BAZ1A: variants seen among roughly 807,000 people sequenced by gnomAD.
BAZ1A encodes bromodomain adjacent to zinc finger domain 1A.
Under a neutral mutation model 185.2 loss-of-function variants are expected in BAZ1A, and 50 were observed. The observed-to-expected ratio is 0.27, with a 90% confidence interval of 0.22 to 0.34. The LOEUF is 0.34. Ranked by LOEUF, BAZ1A falls within the 10% of genes least tolerant of loss-of-function variation. The probability of loss-of-function intolerance (pLI) is 1.00; values close to 1 mark genes in which losing one functional copy is unlikely to be tolerated. For missense variants in BAZ1A, 1,356 were observed against 1,839.9 expected, an observed-to-expected ratio of 0.74 and a Z score of 4.81; for synonymous variants, 571 against 615.6, an observed-to-expected ratio of 0.93 and a Z score of 1.07.
intron 3 of BAZ1A, among the ~76,000 whole-genome samples, chr14:34,853,652 T>G (rs1026302649): frequency 6.6e-6 from 1 of 152,136 alleles, no homozygotes; most frequent in African/African-American, 2.4e-5. Context: ...CCAGGCGTGG[T>G]GGCACACGCC....
At chr14:34,768,811 A>ATT in intron 21 of BAZ1A, 1 of 387,378 alleles carries the variant, frequency 2.6e-6, no homozygotes, top group Non-Finnish European at 5.0e-6. Context: ...TTAGTTGAAG[A>ATT]TTTTTTTTTC....
At chr14:34,805,288 ATCT>A (rs1386918635) in intron 6 of BAZ1A, among the ~76,000 whole-genome samples, 1 of 152,220 alleles carries the variant, frequency 6.6e-6, no homozygotes, top group Non-Finnish European at 1.5e-5. Context: ...TCCATTAATA[ATCT>A]TCTATTACAC....
intron 23 of BAZ1A, among the ~76,000 whole-genome samples, chr14:34,762,545 C>T (rs1236492793): frequency 6.6e-6 from 1 of 151,572 alleles, no homozygotes; most frequent in African/African-American, 2.4e-5. Context: ...AGTACGATCA[C>T]GGCTCACTGC....
intron 3 of BAZ1A, among the ~76,000 whole-genome samples, chr14:34,827,915 C>A (rs1002869108): frequency 1.3e-5 from 2 of 152,014 alleles, no homozygotes; most frequent in Non-Finnish European, 2.9e-5. Flanking sequence ...CTAACTCTAT[C>A]ACCCCTATTC....
intron 4 of BAZ1A, among the ~76,000 whole-genome samples, chr14:34,813,027 T>C (rs554213350): frequency 5.1e-4 from 78 of 152,238 alleles, no homozygotes; most frequent in Non-Finnish European, 8.7e-4. Context: ...CATAACAACC[T>C]GTGGTATGAA....
intron 3 of BAZ1A, among the ~76,000 whole-genome samples, chr14:34,849,747 G>A (rs1354766736): frequency 6.6e-6 from 1 of 152,150 alleles, no homozygotes; most frequent in East Asian, 1.9e-4. Flanking sequence ...CAACCCGCCA[G>A]TAGAGTTTTT....
At chr14:34,827,859 CACA>C (rs1472523023) in intron 3 of BAZ1A, among the ~76,000 whole-genome samples, 1 of 152,048 alleles carries the variant, frequency 6.6e-6, no homozygotes, top group Non-Finnish European at 1.5e-5. Context: ...AAGTTATTCT[CACA>C]ACTTTTGTTG....
intron 9 of BAZ1A, among the ~76,000 whole-genome samples, chr14:34,796,165 TACACACAC>T (rs61285890): frequency 8.2e-5 from 12 of 146,494 alleles, no homozygotes; most frequent in African/African-American, 2.3e-4. Context: ...TACATATACA[TACACACAC>T]ACACACACAC....
intron 3 of BAZ1A, among the ~76,000 whole-genome samples, chr14:34,843,442 A>G (rs1181714093): frequency 1.3e-5 from 2 of 152,138 alleles, no homozygotes; most frequent in African/African-American, 2.4e-5. Flanking sequence ...CGCCTGTAGA[A>G]TAATAGGTCA....
Position 34,800,288 on chromosome 14 carries a change from A to G in BAZ1A, c.1064T>C (p.Ile355Thr), listed in dbSNP as rs971140248. ...TTTCTTTAGTCTCTCTTCTTCAACA[A>G]TTTTTTTCAATTCTTCCCTCTTTTT... is the stretch of plus-strand genomic sequence containing the variant. ...KEKKREELKKIVEEERLKKKE... is the reference protein window; with the variant it reads ...KEKKREELKKTVEEERLKKKE... Residue 355 changes from isoleucine (I) to threonine (T), a missense_variant, in exon 9 of 27, where the codon ATT becomes ACT. Ile to Thr is a moderately conservative substitution (Grantham distance 89). Coordinates refer to ENST00000360310, the MANE Select transcript of BAZ1A (RefSeq NM_013448.3). 6.1e-6 allele frequency: 9 copies of G among 1,463,930 alleles called. No individual in the cohort carries two copies. The highest frequency in any genetic ancestry group is 2.2e-5 in the Admixed American group (1 of 45,056). 90.7% of individuals were successfully genotyped at this position (1,463,930 alleles called of 1,614,324 possible).
chr14:34,843,819 C>T (rs1306815920), intron 3 of BAZ1A, among the ~76,000 whole-genome samples: 1 of 152,154 alleles, frequency 6.6e-6, no homozygotes, highest in Non-Finnish European at 1.5e-5. Flanking sequence ...TGGTTTTATC[C>T]TACAACCCTT....
At chr14:34,862,932 G>A (rs1404534058) in intron 2 of BAZ1A, among the ~76,000 whole-genome samples, 1 of 151,046 alleles carries the variant, frequency 6.6e-6, no homozygotes, top group East Asian at 1.9e-4. Context: ...CTTCTATTCT[G>A]CTGGAATTCC....
chr14:34,867,270 A>AG (rs767834456), intron 2 of BAZ1A, among the ~76,000 whole-genome samples: 2 of 152,174 alleles, frequency 1.3e-5, no homozygotes, highest in Non-Finnish European at 2.9e-5. Flanking sequence ...AACAAAAAAA[A>AG]GAAAAAAAAA....
chr14:34,815,219 ACTGG>A (rs2041988768), intron 4 of BAZ1A, among the ~76,000 whole-genome samples: 2 of 152,212 alleles, frequency 1.3e-5, no homozygotes, highest in African/African-American at 4.8e-5. Flanking sequence ...AAATATTCTT[ACTGG>A]GGCTTTGCTA....
intron 21 of BAZ1A, among the ~76,000 whole-genome samples, chr14:34,769,262 T>A (rs760756586): frequency 7.2e-5 from 11 of 152,176 alleles, no homozygotes; most frequent in Non-Finnish European, 7.4e-5. Flanking sequence ...AACAGACCTT[T>A]CAAAGGCTTA....
Position 34,764,790 on chromosome 14 carries a change from G to T in BAZ1A, c.3693C>A (p.Gly1231=). Residue 1231 remains glycine, a synonymous_variant, in exon 23 of 27, where the codon GGC becomes GGA. Coordinates refer to ENST00000360310, the MANE Select transcript of BAZ1A (RefSeq NM_013448.3). ...SMGGEDDEVD[G]DEEEGQSEEE... The stretch of plus-strand genomic sequence containing the variant: ...CCTCACTTTGACCTTCTTCTTCATC[G>T]CCATCAACTTCATCATCCTCACCTC... 6.2e-7 allele frequency: 1 copy of T among 1,609,292 alleles called. No homozygotes were observed. Among genetic ancestry groups the T allele is most frequent in the Non-Finnish European group, 8.5e-7 (1 of 1,176,114 alleles).
intron 3 of BAZ1A, among the ~76,000 whole-genome samples, chr14:34,846,703 G>A (rs116924356): frequency 0.021 from 3,141 of 152,206 alleles, 45 homozygotes; most frequent in South Asian, 0.058. Flanking sequence ...GGTTCTAAAT[G>A]TTAACTGTTC....
At chr14:34,761,306 G>A (rs1886512872) in intron 24 of BAZ1A, among the ~76,000 whole-genome samples, 1 of 151,976 alleles carries the variant, frequency 6.6e-6, no homozygotes. Flanking sequence ...AAGACAGCTG[G>A]TCATCGCTTC....
chr14:34,787,159 C>G (rs558739175), intron 12 of BAZ1A, among the ~76,000 whole-genome samples: 2 of 147,028 alleles, frequency 1.4e-5, no homozygotes, highest in South Asian at 4.3e-4. Flanking sequence ...TTGAGAACAT[C>G]TTGGCCAACA....
Sources: gnomAD v4.1 joint callset for allele counts (sites outside exome capture counted in the v4.1 genomes callset) on GRCh38, gnomAD v4.1.1 for gene constraint, MANE v1.5 for transcripts, NCBI Gene and HGNC (gene_info 2026-07-23, HGNC 2026-07-21) for gene names.